SEMA3D: variants seen among roughly 807,000 people sequenced by gnomAD.
SEMA3D encodes the protein semaphorin 3D.
SEMA3D carries 84 observed loss-of-function variants against 100.1 expected under a neutral mutation model. That is an observed-to-expected ratio of 0.84 (90% CI 0.70 to 1.01). The LOEUF (loss-of-function observed/expected upper bound fraction) is 1.01. SEMA3D is among the 50% of genes least tolerant of loss of function. SEMA3D has a pLI of 0.00. For missense variants in SEMA3D, 875 were observed against 934.1 expected (o/e 0.94, Z 0.82); for synonymous variants, 312 against 320.7 (o/e 0.97, Z 0.29).
intron 3 of SEMA3D, among the ~76,000 whole-genome samples, chr7:85,115,643 T>C (rs1387572919): frequency 1.3e-5 from 2 of 152,134 alleles, no homozygotes; most frequent in African/African-American, 4.8e-5. Flanking sequence ...TATAGTCAAA[T>C]GGACAGACCT....
intron 9 of SEMA3D, among the ~76,000 whole-genome samples, chr7:85,053,049 G>A (rs1394823341): frequency 1.3e-5 from 2 of 150,956 alleles, no homozygotes; most frequent in African/African-American, 4.9e-5. Flanking sequence ...GAAGATGAAG[G>A]GAGCTCTTAA....
chr7:85,162,428 A>G (rs1443295391), intron 1 of SEMA3D, among the ~76,000 whole-genome samples: 1 of 152,224 alleles, frequency 6.6e-6, no homozygotes, highest in African/African-American at 2.4e-5. Flanking sequence ...GGTGACGTAG[A>G]TCAGGTAAAA....
Position 85,065,648 on chromosome 7 carries a change from T to G in SEMA3D, c.590-96A>C. 6 of 866,216 alleles carry G rather than the reference T, an allele frequency of 6.9e-6. No homozygotes were observed. In the South Asian group the frequency reaches 1.1e-4, roughly 16 times the overall value. 53.7% of individuals were successfully genotyped at this position (866,216 alleles called of 1,614,324 possible). On this transcript the variant is annotated intron_variant, in intron 7 of 18. Transcript: ENST00000284136. Reference sequence around the variant, plus strand: ...TTCACAGCATGACACCAAAGATGTTTGTTTCTTAATATCAGAATGTATTGT... The same window carrying G: ...TTCACAGCATGACACCAAAGATGTTGGTTTCTTAATATCAGAATGTATTGT...
chr7:85,051,337 C>A (rs1041556614), intron 9 of SEMA3D, among the ~76,000 whole-genome samples: 7 of 151,892 alleles, frequency 4.6e-5, no homozygotes, highest in African/African-American at 1.7e-4. Context: ...AATACCTAGT[C>A]TTTAATCATA....
intron 1 of SEMA3D, among the ~76,000 whole-genome samples, chr7:85,157,262 T>G (rs536914549): frequency 6.6e-6 from 1 of 152,316 alleles, no homozygotes; most frequent in African/African-American, 2.4e-5. Context: ...GTTAACAATA[T>G]CAAATATGGT....
intron 1 of SEMA3D, among the ~76,000 whole-genome samples, chr7:85,159,148 T>G (rs1790676870): frequency 6.6e-6 from 1 of 152,170 alleles, no homozygotes. Context: ...AATGACTGGC[T>G]GCACTTTCAG....
intron 6 of SEMA3D, among the ~76,000 whole-genome samples, chr7:85,070,030 A>G (rs1304815684): frequency 6.6e-6 from 1 of 152,208 alleles, no homozygotes; most frequent in Non-Finnish European, 1.5e-5. Context: ...TTTTATTCTC[A>G]AAATAACTCT....
chr7:85,055,440 G>A (rs546823355), intron 9 of SEMA3D, among the ~76,000 whole-genome samples: 2 of 151,762 alleles, frequency 1.3e-5, no homozygotes, highest in African/African-American at 4.8e-5. Context: ...CAACAGTTCA[G>A]GCACTGTTGG....
chr7:85,116,910 AAGTT>A (rs1789260128), intron 3 of SEMA3D, among the ~76,000 whole-genome samples: 1 of 152,134 alleles, frequency 6.6e-6, no homozygotes, highest in Non-Finnish European at 1.5e-5. Context: ...GATTGTATAA[AAGTT>A]AGTTGTGGCT....
intron 8 of SEMA3D, among the ~76,000 whole-genome samples, chr7:85,063,003 C>T (rs1261339084): frequency 2.6e-5 from 4 of 152,162 alleles, no homozygotes; most frequent in Non-Finnish European, 4.4e-5. Flanking sequence ...CCTCCCACTG[C>T]TACCTTCATG....
At chr7:85,003,585 A>G (rs1246985548) in intron 18 of SEMA3D, among the ~76,000 whole-genome samples, 1 of 150,104 alleles carries the variant, frequency 6.7e-6, no homozygotes, top group Non-Finnish European at 1.5e-5. Context: ...GTCAGAAACA[A>G]AATAAATGTA....
intron 8 of SEMA3D, among the ~76,000 whole-genome samples, chr7:85,056,998 G>T (rs887860081): frequency 4.6e-5 from 7 of 150,988 alleles, no homozygotes; most frequent in Admixed American, 1.3e-4. Context: ...TTATGGGGCT[G>T]ATAAGCATTA....
chr7:85,189,416 T>C (rs556518162), upstream of SEMA3D, among the ~76,000 whole-genome samples: 2 of 152,236 alleles, frequency 1.3e-5, no homozygotes, highest in South Asian at 4.2e-4. Context: ...AGCAATTTGG[T>C]ATTCTGTCCT....
intron 4 of SEMA3D, among the ~76,000 whole-genome samples, chr7:85,082,408 GT>G (rs1583904907): frequency 6.6e-6 from 1 of 152,274 alleles, no homozygotes; most frequent in East Asian, 1.9e-4. Context: ...CTGTAAGAAA[GT>G]TTTTGCAAAA....
rs751965211 is a variant in SEMA3D, at chr7:85,094,409, C to G, written c.312+3396G>C. On this transcript the variant is annotated intron_variant, in intron 4 of 18. Coordinates refer to ENST00000284136, the MANE Select transcript of SEMA3D (RefSeq NM_001384900.1). ...AACTAAGTTAAAAATGGTATTATCA[C>G]TCACACTAGAAAAATATATTGAAAT... Among the ~76,000 whole-genome samples, 64 of 152,004 alleles carry G rather than the reference C, an allele frequency of 4.2e-4. 1 individual carries two copies. Among genetic ancestry groups the G allele is most frequent in the Non-Finnish European group, 1.3e-4 (9 of 67,940 alleles).
At chr7:85,191,310 T>G (rs1431007864), upstream of SEMA3D, among the ~76,000 whole-genome samples, 2 of 152,184 alleles carry the variant, frequency 1.3e-5, no homozygotes, top group Non-Finnish European at 2.9e-5. Context: ...TGTGTTTGAT[T>G]TGTAACAATG....
intron 12 of SEMA3D, among the ~76,000 whole-genome samples, chr7:85,032,013 C>A (rs190483398): frequency 8.6e-4 from 131 of 151,912 alleles, no homozygotes; most frequent in Non-Finnish European, 1.2e-4. Flanking sequence ...AGAATATTAA[C>A]GAATAGAGAG....
intron 12 of SEMA3D, chr7:85,028,126 G>A: frequency 1.6e-6 from 1 of 641,040 alleles, no homozygotes; most frequent in Non-Finnish European, 2.9e-6. Context: ...GATGCTGGCA[G>A]GCCCAAGGTC....
chr7:85,057,926 G>A (rs998319738), intron 8 of SEMA3D, among the ~76,000 whole-genome samples: 2 of 152,076 alleles, frequency 1.3e-5, no homozygotes, highest in East Asian at 3.9e-4. Context: ...GACAGACTCC[G>A]TCTCAAAAAG....
Sources: allele counts gnomAD v4.1 joint callset (sites outside exome capture counted in the v4.1 genomes callset), GRCh38; gene constraint gnomAD v4.1.1; transcripts MANE v1.5; gene names NCBI Gene and HGNC (gene_info 2026-07-23, HGNC 2026-07-21).